The following RAB6B variants were observed in gnomAD, a reference collection of about 807,000 sequenced individuals.
RAB6B encodes ras-related protein Rab-6B.
A neutral mutation model predicts 31.2 loss-of-function variants in RAB6B; 7 were observed. The observed-to-expected ratio is 0.22, with a 90% CI of 0.13 to 0.42. RAB6B has a LOEUF of 0.42. Ranked by LOEUF, RAB6B falls within the 10% of genes least tolerant of loss-of-function variation. The probability of loss-of-function intolerance (pLI) is 1.00; values close to 1 mark genes in which losing one functional copy is unlikely to be tolerated. For synonymous variants in RAB6B, 105 were observed against 104.9 expected (o/e 1.00, Z -0.01); for missense variants, 149 against 280.6 (o/e 0.53, Z 3.35).
chr3:133,879,286 C>A (rs903993901), intron 1 of RAB6B, among the ~76,000 whole-genome samples: 1 of 152,182 alleles, frequency 6.6e-6, no homozygotes, highest in African/African-American at 2.4e-5. Context: ...TTCTTAGATT[C>A]CTAGCACATT....
At position 133,828,239 on chromosome 3, in the gene RAB6B, C is replaced by T. The variant is rs953727120; in HGVS notation, c.*549G>A. 3 of 519,968 alleles carry T rather than the reference C, an allele frequency of 5.8e-6. No homozygotes were observed. The highest frequency in any genetic ancestry group is 1.0e-5 in the Non-Finnish European group (3 of 290,622). 32.2% of individuals were successfully genotyped at this position (519,968 alleles called of 1,614,324 possible). A position where few individuals can be genotyped will look rare whatever the true frequency, so the allele number is the denominator to read the frequency against. On this transcript the variant is annotated 3_prime_UTR_variant, in exon 8 of 8. Transcript: ENST00000285208. ...CCTTTTCAGAGGCTGATGTGTTCAA[C>T]CAATGTTTGATTTAACTGGAGTAGG...
rs1553750350 is a variant in RAB6B at position 133,895,720 on chromosome 3, T to C, written c.-254A>G. 9.9e-6 allele frequency: 5 copies of C among 505,074 alleles called. No individual in the cohort carries two copies. The highest frequency in any genetic ancestry group is 1.4e-5 in the Non-Finnish European group (4 of 289,938). The allele number at this position is 505,074 out of a possible 1,614,324, so 31.3% of individuals were successfully genotyped here. A position where few individuals can be genotyped will look rare whatever the true frequency, so the allele number is the denominator to read the frequency against. On this transcript the variant is annotated 5_prime_UTR_variant, in exon 1 of 8. Transcript: ENST00000285208. The stretch of plus-strand genomic sequence containing the variant: ...CTGGGCTGCTGCGGTCGGCACTGGC[T>C]GCGGTGCGAGGGGCGCGCTCTTTAC...
At chr3:133,846,777 GAAC>G (rs1197447600) in intron 2 of RAB6B, among the ~76,000 whole-genome samples, 7 of 152,096 alleles carry the variant, frequency 4.6e-5, no homozygotes, top group African/African-American at 1.7e-4. Context: ...GAAGACAAGG[GAAC>G]AACGTCTCTA....
chr3:133,880,772 G>A (rs745566140), intron 1 of RAB6B, among the ~76,000 whole-genome samples: 10 of 152,252 alleles, frequency 6.6e-5, no homozygotes, highest in African/African-American at 1.7e-4. Context: ...GCCAGGTGGT[G>A]AGGGGAGCAC....
intron 6 of RAB6B, among the ~76,000 whole-genome samples, chr3:133,835,576 G>T (rs1253517439): frequency 6.6e-6 from 1 of 151,870 alleles, no homozygotes; most frequent in Non-Finnish European, 1.5e-5. Context: ...GAATCTTGGA[G>T]GTGACAGGTA....
chr3:133,832,389 C>T (rs1265762841), intron 7 of RAB6B, among the ~76,000 whole-genome samples: 2 of 152,004 alleles, frequency 1.3e-5, no homozygotes, highest in Admixed American at 6.5e-5. Context: ...AGCAGCCCCC[C>T]ATCTAGACCT....
chr3:133,889,486 G>A (rs1936607738), intron 1 of RAB6B, among the ~76,000 whole-genome samples: 1 of 142,824 alleles, frequency 7.0e-6, no homozygotes, highest in Non-Finnish European at 1.5e-5. Context: ...CCAGGGTGGA[G>A]TGCAGTGGTG....
chr3:133,838,530 C>T (rs1397508676), intron 5 of RAB6B, among the ~76,000 whole-genome samples: 6 of 152,176 alleles, frequency 3.9e-5, no homozygotes, highest in African/African-American at 1.4e-4. Flanking sequence ...GTAGGGCTGC[C>T]CCATACCTGC....
At chr3:133,835,097 C>G (rs1935713671) in intron 6 of RAB6B, among the ~76,000 whole-genome samples, 1 of 152,188 alleles carries the variant, frequency 6.6e-6, no homozygotes, top group African/African-American at 2.4e-5. Flanking sequence ...AGGTCCGGCG[C>G]CAAGGCAGCG....
chr3:133,888,289 C>T (rs1055764779), intron 1 of RAB6B, among the ~76,000 whole-genome samples: 4 of 152,230 alleles, frequency 2.6e-5, no homozygotes, highest in South Asian at 2.1e-4. Flanking sequence ...GGGATGATCC[C>T]ACATCCGTCA....
At chr3:133,882,193 C>T (rs1045965741) in intron 1 of RAB6B, among the ~76,000 whole-genome samples, 1 of 152,206 alleles carries the variant, frequency 6.6e-6, no homozygotes, top group Non-Finnish European at 1.5e-5. Flanking sequence ...CCCTCACAGG[C>T]CCTCTCTCAG....
intron 2 of RAB6B, among the ~76,000 whole-genome samples, chr3:133,855,811 C>T (rs112417150): frequency 5.8e-4 from 89 of 152,174 alleles, no homozygotes; most frequent in Non-Finnish European, 6.2e-4. Context: ...GCCCACCCAG[C>T]ACCCATTGGC....
chr3:133,890,485 G>A (rs1394706226), intron 1 of RAB6B, among the ~76,000 whole-genome samples: 1 of 152,102 alleles, frequency 6.6e-6, no homozygotes, highest in Non-Finnish European at 1.5e-5. Flanking sequence ...TGGGCCTGTA[G>A]TCCCAGCTAC....
At chr3:133,841,004 A>G (rs1935817399) in intron 4 of RAB6B, among the ~76,000 whole-genome samples, 1 of 152,106 alleles carries the variant, frequency 6.6e-6, no homozygotes, top group African/African-American at 2.4e-5. Context: ...CCTTGTGAGC[A>G]TCTGCTCACA....
chr3:133,875,584 C>T (rs548577225), intron 1 of RAB6B, among the ~76,000 whole-genome samples: 2 of 152,318 alleles, frequency 1.3e-5, no homozygotes, highest in South Asian at 2.1e-4. Context: ...CCAGCCTGCA[C>T]ATCAGTCTTG....
At chr3:133,870,756 C>T (rs750318890) in intron 1 of RAB6B, among the ~76,000 whole-genome samples, 19 of 152,354 alleles carry the variant, frequency 1.2e-4, no homozygotes, top group Non-Finnish European at 1.9e-4. Context: ...AATAATCATT[C>T]AATCCCTTGT....
intron 2 of RAB6B, among the ~76,000 whole-genome samples, chr3:133,863,777 T>C (rs574647653): frequency 1.8e-4 from 28 of 152,338 alleles, no homozygotes; most frequent in African/African-American, 6.0e-4. Context: ...AAATGCATTA[T>C]CATTTGTCTC....
rs527502291 is a variant in RAB6B at position 133,893,632 on chromosome 3, T to C, written c.70+1765A>G. On this transcript the variant is annotated intron_variant, in intron 1 of 7. Coordinates refer to ENST00000285208, the MANE Select transcript of RAB6B (RefSeq NM_016577.4). ...GAGAACCTACCAGGGGCCAGGCACT[T>C]TGAGAGGCACTAAAGAAACATGAAG... Among the ~76,000 whole-genome samples, 212 of 152,262 alleles carry C rather than the reference T, an allele frequency of 1.4e-3. 2 individuals are homozygous for C. The highest frequency in any genetic ancestry group is 4.9e-3 in the African/African-American group (203 of 41,530).
At chr3:133,841,740 G>A (rs1023404443) in intron 2 of RAB6B, 77 bp from the exon 3 acceptor site, 57 of 1,477,780 alleles carry the variant, frequency 3.9e-5, no homozygotes, top group Non-Finnish European at 5.6e-6. Flanking sequence ...ACCACAGGTG[G>A]TGGCATAACC....
Sources: gnomAD v4.1 joint callset for allele counts (sites outside exome capture counted in the v4.1 genomes callset) on GRCh38, gnomAD v4.1.1 for gene constraint, MANE v1.5 for transcripts, NCBI Gene and HGNC (gene_info 2026-07-23, HGNC 2026-07-21) for gene names.